CHRFAM7A: variants seen among roughly 807,000 people sequenced by gnomAD.
CHRFAM7A encodes CHRNA7 (exons 5-10) and FAM7A (exons A-E) fusion, also known as CHRNA7-FAM7A fusion protein.
CHRFAM7A carries 3 observed loss-of-function variants against 29.2 expected under a neutral mutation model. The observed-to-expected ratio is 0.10, with a 90% CI of 0.05 to 0.27. The LOEUF is 0.27. Ranked by LOEUF, CHRFAM7A falls within the 10% of genes least tolerant of loss-of-function variation. CHRFAM7A has a pLI of 1.00. For synonymous variants in CHRFAM7A, 7 were observed against 135.4 expected (o/e 0.05, Z 6.58); for missense variants, 22 against 328.0 (o/e 0.07, Z 7.21).
chr15:30,363,088 G>A (rs539088058), intron 9 of CHRFAM7A, among the ~76,000 whole-genome samples: 1 of 151,524 alleles, frequency 6.6e-6, no homozygotes, highest in East Asian at 1.9e-4. Flanking sequence ...TTCGTGGAAG[G>A]GGAAGGCTAT....
At position 30,373,523 on chromosome 15, in the gene CHRFAM7A, GGTGT is replaced by G. The variant is rs141612625; in HGVS notation, c.161-382_161-379del. Among the ~76,000 whole-genome samples, 307 of 114,394 alleles carry G rather than the reference GGTGT, an allele frequency of 2.7e-3. 16 individuals are homozygous for G. The highest frequency in any genetic ancestry group is 6.7e-3 in the Admixed American group (78 of 11,664). The allele number at this position is 114,394 out of a possible 152,430, so 75.0% of individuals were successfully genotyped here. A position where few individuals can be genotyped will look rare whatever the true frequency, so the allele number is the denominator to read the frequency against. On this transcript the variant is annotated intron_variant, in intron 5 of 9. Coordinates refer to ENST00000299847, the MANE Select transcript of CHRFAM7A (RefSeq NM_139320.2). ...ATGAAGTTAGAAATAGAATCTAAAAGGTGTGTGTGTGTGTGTGTGTGTCTGTTTG... is the reference window on the plus strand; with the variant it reads ...ATGAAGTTAGAAATAGAATCTAAAAGGTGTGTGTGTGTGTGTGTCTGTTTG...
chr15:30,367,177 T>G (rs1192003105), intron 9 of CHRFAM7A, among the ~76,000 whole-genome samples: 1 of 150,986 alleles, frequency 6.6e-6, no homozygotes, highest in Non-Finnish European at 1.5e-5. Flanking sequence ...TCCCAGCTAC[T>G]TGGGAGGCTG....
chr15:30,373,474 TCA>T lies in CHRFAM7A; in HGVS notation c.161-331_161-330del, dbSNP rs1377525026. Among the ~76,000 whole-genome samples, 6 of 134,632 alleles carry T rather than the reference TCA, an allele frequency of 4.5e-5. 1 individual carries two copies. The highest frequency in any genetic ancestry group is 1.6e-4 in the African/African-American group (6 of 36,668). 88.3% of individuals were successfully genotyped at this position (134,632 alleles called of 152,430 possible). On this transcript the variant is annotated intron_variant, in intron 5 of 9. Transcript: ENST00000299847. ...ATAAAAGTAAAGAATGCAAAATATC[TCA>T]GAGAAGTTGATAACCCTGATGATGA...
intron 7 of CHRFAM7A, 130 bp from the exon 8 acceptor site, chr15:30,371,314 G>GT (rs2058853999): frequency 1.2e-6 from 1 of 851,594 alleles, no homozygotes; most frequent in Non-Finnish European, 1.9e-6. Flanking sequence ...TGGAATGCAC[G>GT]TTTTCCCTAT....
intron 5 of CHRFAM7A, among the ~76,000 whole-genome samples, chr15:30,376,126 TGTGTGTGTGTGAG>T (rs2058932769): frequency 2.7e-5 from 4 of 146,128 alleles, no homozygotes; most frequent in African/African-American, 7.7e-5. Flanking sequence ...TACTGAGTGG[TGTGTGTGTGTGAG>T]GTGTGTGTGA....
chr15:30,363,277 T>G (rs920680899), intron 9 of CHRFAM7A, among the ~76,000 whole-genome samples: 1 of 147,910 alleles, frequency 6.8e-6, no homozygotes, highest in African/African-American at 2.5e-5. Context: ...AATCCCAGGA[T>G]ATCCATGAGA....
chr15:30,377,505 T>G (rs1349103162), intron 4 of CHRFAM7A, among the ~76,000 whole-genome samples: 3 of 141,638 alleles, frequency 2.1e-5, no homozygotes, highest in Non-Finnish European at 4.6e-5. Context: ...GGGTTTTCAC[T>G]CGCTGTGTCC....
At chr15:30,369,307 G>GT (rs1567397475) in intron 8 of CHRFAM7A, among the ~76,000 whole-genome samples, 1 of 150,006 alleles carries the variant, frequency 6.7e-6, no homozygotes, top group Non-Finnish European at 1.5e-5. Context: ...ACAGCAATTT[G>GT]TTACGGTAGC....
chr15:30,393,774 C>G (rs1323731104), upstream of CHRFAM7A: 19 of 51,796 alleles, frequency 3.7e-4, no homozygotes, highest in African/African-American at 9.7e-4. Flanking sequence ...CGGCTGCCCC[C>G]TCCTCTCTTG....
chr15:30,390,260 A>T (rs2140902460), intron 1 of CHRFAM7A, among the ~76,000 whole-genome samples: 1 of 4,830 alleles, frequency 2.1e-4, no homozygotes, highest in South Asian at 0.021. Context: ...TACAGTAATC[A>T]AGAGTGTGCT....
chr15:30,377,506 C>A lies in CHRFAM7A; in HGVS notation c.81-397G>T, dbSNP rs1305504479. Among the ~76,000 whole-genome samples, 3 of 141,394 alleles carry A rather than the reference C, an allele frequency of 2.1e-5. No individual in the cohort carries two copies. The Admixed American group carries it at 2.2e-4, about 10-fold the overall frequency. 92.8% of individuals were successfully genotyped at this position (141,394 alleles called of 152,430 possible). ...AGCCTCATGGGGCAGGGTTTTCACT[C>A]GCTGTGTCCAAAGCTCTAGTTCCAG... On this transcript the variant is annotated intron_variant, in intron 4 of 9. Coordinates refer to ENST00000299847, the MANE Select transcript of CHRFAM7A (RefSeq NM_139320.2).
At position 30,368,271 on chromosome 15, in the gene CHRFAM7A, T is replaced by TA. The variant is rs2058817750; in HGVS notation, c.611-745_611-744insT. The stretch of plus-strand genomic sequence containing the variant: ...AGATTGTGATTTATAATAAGAAATA[T>TA]GTATTTGGTCTTCCTCCCATTTCCT... On this transcript the variant is annotated intron_variant, in intron 8 of 9. Transcript: ENST00000299847. Among the ~76,000 whole-genome samples the TA allele has an allele frequency of 6.7e-5, 10 of 148,466 alleles. No homozygotes were observed. In the East Asian group the frequency reaches 2.0e-3, roughly 29 times the overall value.
intron 5 of CHRFAM7A, among the ~76,000 whole-genome samples, chr15:30,375,686 T>G (rs1230539074): frequency 2.1e-5 from 3 of 140,020 alleles, no homozygotes; most frequent in Non-Finnish European, 3.1e-5. Context: ...GTGTCTGGTG[T>G]GTGTGTGTTG....
At chr15:30,375,908 TTG>T (rs1185870205) in intron 5 of CHRFAM7A, among the ~76,000 whole-genome samples, 3 of 8,708 alleles carry the variant, frequency 3.4e-4, no homozygotes, top group African/African-American at 8.4e-4. Flanking sequence ...ATGTGAGTGG[TTG>T]TGTGAGTGGT....
chr15:30,375,826 TGA>T lies in CHRFAM7A; in HGVS notation c.160+1202_160+1203del, dbSNP rs1276412535. 5.4e-4 allele frequency among the ~76,000 whole-genome samples: 80 copies of T among 146,858 alleles called. 1 individual carries two copies. The highest frequency in any genetic ancestry group is 2.7e-4 in the Admixed American group (4 of 14,782). ...TGTGAGTGGTTGTGTGAGTGGTGTGTGAGTGTTGAGTCGTGTGGGTGGTATGT... is the reference window on the plus strand; with the variant it reads ...TGTGAGTGGTTGTGTGAGTGGTGTGTGTGTTGAGTCGTGTGGGTGGTATGT... On this transcript the variant is annotated intron_variant, in intron 5 of 9. Coordinates refer to ENST00000299847, the MANE Select transcript of CHRFAM7A (RefSeq NM_139320.2).
Position 30,377,634 on chromosome 15 carries a change from G to C in CHRFAM7A, c.81-525C>G, listed in dbSNP as rs1358450520. On this transcript the variant is annotated intron_variant, in intron 4 of 9. Coordinates refer to ENST00000299847, the MANE Select transcript of CHRFAM7A (RefSeq NM_139320.2). ...GTGTTGCCCAGGCTAGAGTGCAGTG[G>C]CATGATCTCGGCTCACTGCAAGCTC... Among the ~76,000 whole-genome samples, 8 of 135,478 alleles carry C rather than the reference G, an allele frequency of 5.9e-5. 1 individual carries two copies. In the East Asian group the frequency reaches 1.5e-3, roughly 26 times the overall value. The allele number at this position is 135,478 out of a possible 152,430, so 88.9% of individuals were successfully genotyped here.
At chr15:30,371,382 G>A (rs915180771) in intron 7 of CHRFAM7A, among the ~76,000 whole-genome samples, 198 bp from the exon 8 acceptor site, 2 of 149,426 alleles carry the variant, frequency 1.3e-5, no homozygotes, top group African/African-American at 5.0e-5. Context: ...AGTCCCAAAG[G>A]AGTCTCTTAT....
rs1235899445 is a variant in CHRFAM7A, at chr15:30,371,352, C to T, written c.524-168G>A. On this transcript the variant is annotated intron_variant, in intron 7 of 9. Coordinates refer to ENST00000299847, the MANE Select transcript of CHRFAM7A (RefSeq NM_139320.2). ...ATGGGCGTGTGCATTTTCCAGGGGA[C>T]GTTCCATGCCACTTACCAGAGTCCC... is the stretch of plus-strand genomic sequence containing the variant. Among the ~76,000 whole-genome samples the T allele has an allele frequency of 4.7e-5, 7 of 149,680 alleles. No individual in the cohort carries two copies. In the East Asian group the frequency reaches 5.8e-4, roughly 12 times the overall value.
chr15:30,376,036 G>A (rs1490407585), intron 5 of CHRFAM7A, among the ~76,000 whole-genome samples: 15 of 151,772 alleles, frequency 9.9e-5, no homozygotes, highest in Non-Finnish European at 1.6e-4. Flanking sequence ...TGAGTGGTGT[G>A]TGTGTTGTGT....
Sources: gnomAD v4.1 joint callset for allele counts (sites outside exome capture counted in the v4.1 genomes callset) on GRCh38, gnomAD v4.1.1 for gene constraint, MANE v1.5 for transcripts, NCBI Gene and HGNC (gene_info 2026-07-23, HGNC 2026-07-21) for gene names.